Variants in CHMP1A observed in about 807,000 individuals in gnomAD.
CHMP1A encodes VPS46 homolog A.
CHMP1A carries 17 observed loss-of-function variants against 27.0 expected under a neutral mutation model. The ratio of observed to expected loss-of-function variants is 0.63; its 90% CI spans 0.43 to 0.95. The LOEUF (loss-of-function observed/expected upper bound fraction) is 0.95. Among genes scored for constraint, CHMP1A ranks in the 40% least tolerant of loss-of-function variants. CHMP1A has a pLI of 0.00. For synonymous variants in CHMP1A, 131 were observed against 107.5 expected, an observed-to-expected ratio of 1.22 and a Z score of -1.35; for missense variants, 275 against 264.0, an observed-to-expected ratio of 1.04 and a Z score of -0.29.
Position 89,657,641 on chromosome 16 carries a change from G to A in CHMP1A, c.-53C>T, listed in dbSNP as rs2059896750. 6.2e-7 allele frequency: 1 copy of A among 1,607,330 alleles called. No homozygotes were observed. Among genetic ancestry groups the A allele is most frequent in the East Asian group, 2.3e-5 (1 of 44,368 alleles). On this transcript the variant is annotated 5_prime_UTR_variant, in exon 1 of 7. Coordinates refer to ENST00000397901, the MANE Select transcript of CHMP1A (RefSeq NM_002768.5). ...AGAGGGAGAAGGGACGCCAACTCCGGGCGGTGTCAGGTCCCGGCGGCGATC... is the reference window on the plus strand; with the variant it reads ...AGAGGGAGAAGGGACGCCAACTCCGAGCGGTGTCAGGTCCCGGCGGCGATC...
In CHMP1A at chr16:89,646,007, A is replaced by C. The variant is rs746462901; in HGVS notation, c.*59T>G. 4 of 1,610,718 alleles carry C rather than the reference A, an allele frequency of 2.5e-6. No individual in the cohort carries two copies. ...CACAAAGGCAAGACGCGGTGGGGAG[A>C]GGACAGGAGCCTTCCAGCACATCAC... On this transcript the variant is annotated 3_prime_UTR_variant, in exon 7 of 7. Coordinates refer to ENST00000397901, the MANE Select transcript of CHMP1A (RefSeq NM_002768.5).
Position 89,649,660 on chromosome 16 carries a change from C to G in CHMP1A, c.106-163G>C, listed in dbSNP as rs951682643. The G allele has an allele frequency of 7.7e-6, 6 of 780,914 alleles. No individual in the cohort carries two copies. In the African/African-American group the frequency reaches 1.1e-4, roughly 14 times the overall value. 48.4% of individuals were successfully genotyped at this position (780,914 alleles called of 1,614,324 possible). The stretch of plus-strand genomic sequence containing the variant: ...GCACGATCTCGACTCAACGCAAGCT[C>G]CGCCCCCCAGGTTCATGCCATTCTC... On this transcript the variant is annotated intron_variant, in intron 3 of 6. Transcript: ENST00000397901.
rs1377742676 is a variant in CHMP1A, at chr16:89,645,919, G to T, written c.*147C>A. The T allele has an allele frequency of 6.2e-7, 1 of 1,609,328 alleles. No homozygotes were observed. The highest frequency in any genetic ancestry group is 8.5e-7 in the Non-Finnish European group (1 of 1,178,074). The stretch of plus-strand genomic sequence containing the variant: ...CTAAAAGAACAGGAACAACCCTAAG[G>T]CCACGCAGGCCTGGCAGGTGAGAGA... On this transcript the variant is annotated 3_prime_UTR_variant, in exon 7 of 7. Transcript: ENST00000397901.
At chr16:89,652,342 G>C (rs1344044380) in intron 2 of CHMP1A, among the ~76,000 whole-genome samples, 2 of 146,298 alleles carry the variant, frequency 1.4e-5, no homozygotes, top group African/African-American at 4.9e-5. Context: ...GGTAGCCCTG[G>C]CCACCAGCAC....
rs1597784402 is a variant in CHMP1A, at chr16:89,646,421, G to C, written c.569+106C>G. The C allele has an allele frequency of 2.9e-5, 36 of 1,260,420 alleles. 1 individual carries two copies. The East Asian group carries it at 8.7e-4, about 30-fold the overall frequency. 78.1% of individuals were successfully genotyped at this position (1,260,420 alleles called of 1,614,324 possible). ...TCGAGATCAGGGCTCCCTGGTCGGA[G>C]CCTCAGCCCAAGCTCTCCTCCAGCC... On this transcript the variant is annotated intron_variant, in intron 6 of 6. Coordinates refer to ENST00000397901, the MANE Select transcript of CHMP1A (RefSeq NM_002768.5).
intron 3 of CHMP1A, among the ~76,000 whole-genome samples, chr16:89,650,463 C>G (rs982509773): frequency 5.9e-5 from 9 of 152,200 alleles, no homozygotes; most frequent in Admixed American, 4.6e-4. Context: ...TGACTCTGCC[C>G]AGACCCTGAT....
rs369307331 is a variant in CHMP1A at position 89,657,569 on chromosome 16, C to A, written c.7+13G>T. ...CGCGCGCGAGTCCCCGGAGGACGGCCGCGACCTCTTACCGTCCATGGCCAC... is the reference window on the plus strand; with the variant it reads ...CGCGCGCGAGTCCCCGGAGGACGGCAGCGACCTCTTACCGTCCATGGCCAC... On this transcript the variant is annotated intron_variant, in intron 1 of 6. Coordinates refer to ENST00000397901, the MANE Select transcript of CHMP1A (RefSeq NM_002768.5). The A allele has an allele frequency of 2.2e-4, 360 of 1,610,832 alleles. No homozygotes were observed. In the African/African-American group the frequency reaches 3.2e-3, roughly 14 times the overall value.
chr16:89,655,982 G>A (rs164752), intron 1 of CHMP1A, among the ~76,000 whole-genome samples: 127,268 of 151,828 alleles, frequency 0.84, 54,261 homozygotes, highest in Middle Eastern at 0.95. Flanking sequence ...CCAGAGTGCT[G>A]GGGTTACAGG....
chr16:89,651,326 G>A (rs1251584026), intron 3 of CHMP1A, among the ~76,000 whole-genome samples: 3 of 152,052 alleles, frequency 2.0e-5, no homozygotes, highest in East Asian at 1.9e-4. Flanking sequence ...AGACGAGATC[G>A]CACCTGTGCA....
intron 3 of CHMP1A, among the ~76,000 whole-genome samples, chr16:89,650,089 G>A (rs910143107): frequency 2.0e-5 from 3 of 152,212 alleles, no homozygotes; most frequent in East Asian, 1.9e-4. Context: ...GAGCCTGGCT[G>A]TGGGTGAAGA....
At chr16:89,651,783 C>G in intron 2 of CHMP1A, 137 bp from the exon 3 acceptor site, 1 of 794,504 alleles carries the variant, frequency 1.3e-6, no homozygotes, top group Non-Finnish European at 2.0e-6. Context: ...CTGGGCCCAG[C>G]ACACCGCAGG....
At chr16:89,647,588 A>C (rs1190426561) in intron 4 of CHMP1A, among the ~76,000 whole-genome samples, 5 of 141,290 alleles carry the variant, frequency 3.5e-5, no homozygotes, top group Admixed American at 2.2e-4. Context: ...GTCAGTGGAG[A>C]AAAGGCCGCC....
intron 4 of CHMP1A, among the ~76,000 whole-genome samples, chr16:89,648,930 C>G (rs183607562): frequency 6.6e-6 from 1 of 151,568 alleles, no homozygotes; most frequent in Admixed American, 6.6e-5. Context: ...GAGGCTGAGG[C>G]AGGAGGATTG....
In CHMP1A at chr16:89,645,661, G is replaced by T. The variant is rs112967134; in HGVS notation, c.*405C>A. 36 of 336,640 alleles carry T rather than the reference G, an allele frequency of 1.1e-4. 1 individual carries two copies. Among genetic ancestry groups the T allele is most frequent in the South Asian group, 8.0e-4 (34 of 42,512 alleles). 20.9% of individuals were successfully genotyped at this position (336,640 alleles called of 1,614,324 possible). On this transcript the variant is annotated 3_prime_UTR_variant, in exon 7 of 7. Coordinates refer to ENST00000397901, the MANE Select transcript of CHMP1A (RefSeq NM_002768.5). Reference sequence around the variant, plus strand: ...GTCCACATGGTGGGACCTCCTGCCCGCTGAGGTGGTGCGGAGAGGCCTCAG... The same window carrying T: ...GTCCACATGGTGGGACCTCCTGCCCTCTGAGGTGGTGCGGAGAGGCCTCAG...
intron 5 of CHMP1A, 87 bp from the exon 6 acceptor site, chr16:89,646,801 C>T (rs769943264): frequency 2.4e-5 from 33 of 1,387,074 alleles, no homozygotes; most frequent in Middle Eastern, 1.8e-4. Context: ...CTGCACTTTT[C>T]GTTCCCTCAC....
rs112967134 is a variant in CHMP1A at position 89,645,661 on chromosome 16, G to A, written c.*405C>T. On this transcript the variant is annotated 3_prime_UTR_variant, in exon 7 of 7. Coordinates refer to ENST00000397901, the MANE Select transcript of CHMP1A (RefSeq NM_002768.5). Reference sequence around the variant, plus strand: ...GTCCACATGGTGGGACCTCCTGCCCGCTGAGGTGGTGCGGAGAGGCCTCAG... The same window carrying A: ...GTCCACATGGTGGGACCTCCTGCCCACTGAGGTGGTGCGGAGAGGCCTCAG... 9.8e-5 allele frequency: 33 copies of A among 336,758 alleles called. No individual in the cohort carries two copies. The East Asian group carries it at 1.3e-3, about 13-fold the overall frequency. The allele number at this position is 336,758 out of a possible 1,614,324, so 20.9% of individuals were successfully genotyped here.
At chr16:89,649,035 A>AT in intron 4 of CHMP1A, 1 of 279,214 alleles carries the variant, frequency 3.6e-6, no homozygotes, top group East Asian at 7.2e-5. Context: ...AAAAATATAT[A>AT]TTTAAAAAAA....
At chr16:89,648,242 AGCGCGGG>A (rs1441645838) in intron 4 of CHMP1A, among the ~76,000 whole-genome samples, 6 of 40 alleles carry the variant, frequency 0.15, 3 homozygotes, top group Non-Finnish European at 0.5. Flanking sequence ...GTGGAGACCC[AGCGCGGG>A]GTCGGTGGAG....
At chr16:89,646,851 T>A (rs2059777833) in intron 5 of CHMP1A, 137 bp from the exon 6 acceptor site, 1 of 1,099,478 alleles carries the variant, frequency 9.1e-7, no homozygotes, top group East Asian at 2.6e-5. Context: ...TCAGTGACTC[T>A]CTCTGTCTCA....
Sources: gnomAD v4.1 joint callset for allele counts (sites outside exome capture counted in the v4.1 genomes callset) on GRCh38, gnomAD v4.1.1 for gene constraint, MANE v1.5 for transcripts, NCBI Gene and HGNC (gene_info 2026-07-23, HGNC 2026-07-21) for gene names.